KCNIP4: variants seen among roughly 807,000 people sequenced by gnomAD.
The protein encoded by KCNIP4 is potassium voltage-gated channel interacting protein 4.
KCNIP4 carries 12 observed loss-of-function variants against 34.0 expected under a neutral mutation model. The observed-to-expected ratio is 0.35, with a 90% CI of 0.23 to 0.57. The LOEUF is 0.57. Ranked by LOEUF, KCNIP4 falls within the 20% of genes least tolerant of loss-of-function variation. The pLI is 0.83. For synonymous variants in KCNIP4, 124 were observed against 102.2 expected, an observed-to-expected ratio of 1.21 and a Z score of -1.29; for missense variants, 238 against 311.7, an observed-to-expected ratio of 0.76 and a Z score of 1.78.
At chr4:21,119,192 T>C (rs145500099) in intron 1 of KCNIP4, among the ~76,000 whole-genome samples, 15 of 152,164 alleles carry the variant, frequency 9.9e-5, no homozygotes, top group Admixed American at 3.9e-4. Flanking sequence ...GCCCAAATGG[T>C]GGAAGAGGTA....
chr4:21,239,107 A>G (rs59248635), intron 1 of KCNIP4, among the ~76,000 whole-genome samples: 3,907 of 152,108 alleles, frequency 0.026, 143 homozygotes, highest in East Asian at 0.16. Flanking sequence ...CAAACCTGAC[A>G]AAAACAAGCA....
chr4:20,802,747 A>C (rs906591818), intron 3 of KCNIP4, among the ~76,000 whole-genome samples: 1 of 152,216 alleles, frequency 6.6e-6, no homozygotes, highest in African/African-American at 2.4e-5. Flanking sequence ...TTAAACAACA[A>C]ATGGGTTGAA....
intron 1 of KCNIP4, among the ~76,000 whole-genome samples, chr4:20,963,909 A>AT (rs200711170): frequency 0.011 from 1,726 of 150,138 alleles, 31 homozygotes; most frequent in South Asian, 0.05. Flanking sequence ...ATATATATAT[A>AT]AAAAAAAAGA....
At chr4:20,804,952 C>G (rs547182556) in intron 3 of KCNIP4, among the ~76,000 whole-genome samples, 1 of 152,054 alleles carries the variant, frequency 6.6e-6, no homozygotes, top group South Asian at 2.1e-4. Context: ...CATAAATGAA[C>G]AGTTTCTTCT....
chr4:21,062,599 C>T (rs1744023243), intron 1 of KCNIP4, among the ~76,000 whole-genome samples: 1 of 151,436 alleles, frequency 6.6e-6, no homozygotes, highest in Admixed American at 6.6e-5. Context: ...ATTATAGAGT[C>T]AAACAAATTG....
rs1741417732 is a variant in KCNIP4, at chr4:21,583,865, G to A, written c.61+364706C>T. ...TAGTCAAAACTAGTTTACTGAATTAGAACATCATGTAAATATTTCATTATA... is the reference window on the plus strand; with the variant it reads ...TAGTCAAAACTAGTTTACTGAATTAAAACATCATGTAAATATTTCATTATA... On this transcript the variant is annotated intron_variant, in intron 1 of 8. Transcript: ENST00000382152. 2.0e-5 allele frequency among the ~76,000 whole-genome samples: 3 copies of A among 151,964 alleles called. No individual in the cohort carries two copies. The South Asian group carries it at 6.2e-4, about 32-fold the overall frequency.
chr4:21,510,457 T>A (rs894314600), intron 1 of KCNIP4, among the ~76,000 whole-genome samples: 2 of 152,080 alleles, frequency 1.3e-5, no homozygotes, highest in African/African-American at 2.4e-5. Flanking sequence ...ATCGTATTAC[T>A]CTTGAACAAA....
At chr4:20,892,844 G>A (rs1203288789) in intron 1 of KCNIP4, among the ~76,000 whole-genome samples, 3 of 152,160 alleles carry the variant, frequency 2.0e-5, no homozygotes, top group East Asian at 1.9e-4. Flanking sequence ...ACATGGAAAA[G>A]GCATCAATTT....
At chr4:21,787,850 G>T (rs1276106674) in intron 1 of KCNIP4, among the ~76,000 whole-genome samples, 1 of 152,010 alleles carries the variant, frequency 6.6e-6, no homozygotes, top group African/African-American at 2.4e-5. Flanking sequence ...GCTACACACT[G>T]GCATATAATT....
At chr4:21,240,281 G>A (rs1049566506) in intron 1 of KCNIP4, among the ~76,000 whole-genome samples, 3 of 149,838 alleles carry the variant, frequency 2.0e-5, no homozygotes, top group African/African-American at 2.5e-5. Flanking sequence ...GCTAAATGAC[G>A]AGTCAATGGG....
intron 1 of KCNIP4, among the ~76,000 whole-genome samples, chr4:21,216,356 A>G (rs958454606): frequency 8.5e-5 from 13 of 152,224 alleles, no homozygotes; most frequent in East Asian, 7.7e-4. Context: ...TGTAATTTTT[A>G]AAACGTAGTT....
chr4:21,081,860 T>C (rs1210195788), intron 1 of KCNIP4, among the ~76,000 whole-genome samples: 4 of 151,808 alleles, frequency 2.6e-5, no homozygotes, highest in Non-Finnish European at 2.9e-5. Flanking sequence ...GGCTCACACA[T>C]TAAGATGTAG....
intron 1 of KCNIP4, among the ~76,000 whole-genome samples, chr4:21,374,002 GC>G (rs1720734439): frequency 6.8e-6 from 1 of 147,326 alleles, no homozygotes; most frequent in Non-Finnish European, 1.5e-5. Context: ...ACCACACCCA[GC>G]CTAGGGTTTC....
intron 1 of KCNIP4, among the ~76,000 whole-genome samples, chr4:21,500,141 T>C (rs1045540911): frequency 2.0e-5 from 3 of 152,136 alleles, no homozygotes; most frequent in African/African-American, 7.2e-5. Context: ...ACAACTGCAA[T>C]AGCAAATAAA....
intron 1 of KCNIP4, among the ~76,000 whole-genome samples, chr4:21,283,595 G>A (rs892083422): frequency 3.6e-5 from 5 of 139,262 alleles, no homozygotes; most frequent in Non-Finnish European, 6.0e-5. Flanking sequence ...ACTAGTCCAT[G>A]TGAAAATAAA....
chr4:20,826,413 A>T (rs1261991881), intron 3 of KCNIP4, among the ~76,000 whole-genome samples: 1 of 151,254 alleles, frequency 6.6e-6, no homozygotes, highest in Non-Finnish European at 1.5e-5. Context: ...CCATCTCTAA[A>T]ATTTTTTTTT....
intron 1 of KCNIP4, among the ~76,000 whole-genome samples, chr4:20,959,978 T>C (rs1733690168): frequency 6.6e-6 from 1 of 152,240 alleles, no homozygotes. Flanking sequence ...TGTTTGCCAT[T>C]ATTTCATTTT....
intron 1 of KCNIP4, among the ~76,000 whole-genome samples, chr4:21,785,591 CAATA>C (rs60265932): frequency 0.16 from 22,735 of 146,062 alleles, 1,876 homozygotes; most frequent in Middle Eastern, 0.24. Context: ...GATTCCATCT[CAATA>C]AATAAATAAA....
At chr4:21,243,335 C>T (rs541772092) in intron 1 of KCNIP4, among the ~76,000 whole-genome samples, 4 of 152,060 alleles carry the variant, frequency 2.6e-5, no homozygotes, top group South Asian at 2.1e-4. Flanking sequence ...ACAGGTAGAT[C>T]GAGTTCTTTT....
Sources: allele counts gnomAD v4.1 joint callset (sites outside exome capture counted in the v4.1 genomes callset), GRCh38; gene constraint gnomAD v4.1.1; transcripts MANE v1.5; gene names NCBI Gene and HGNC (gene_info 2026-07-23, HGNC 2026-07-21).